Variants in AP3B2 observed in about 807,000 individuals in gnomAD.
The protein encoded by AP3B2 is adaptor related protein complex 3 subunit beta 2.
A neutral mutation model predicts 126.9 loss-of-function variants in AP3B2; 50 were observed. That is an observed-to-expected ratio of 0.39 (90% CI 0.31 to 0.50). The LOEUF is 0.50. Ranked by LOEUF, AP3B2 falls within the 20% of genes least tolerant of loss-of-function variation. The pLI is 0.79. For synonymous variants in AP3B2, 541 were observed against 565.0 expected, an observed-to-expected ratio of 0.96 and a Z score of 0.60; for missense variants, 1,177 against 1,426.4, an observed-to-expected ratio of 0.83 and a Z score of 2.82.
At chr15:82,689,603 A>C in intron 1 of AP3B2, 150 bp from the exon 2 acceptor site, 1 of 664,942 alleles carries the variant, frequency 1.5e-6, no homozygotes, top group Non-Finnish European at 2.6e-6. Flanking sequence ...GGAACAAGTA[A>C]AGTACAGATC....
intron 14 of AP3B2, among the ~76,000 whole-genome samples, chr15:82,667,985 C>T (rs1005829053): frequency 1.9e-4 from 29 of 152,126 alleles, no homozygotes; most frequent in African/African-American, 6.8e-4. Context: ...CATCAGGGGC[C>T]GGCAGGAGGG....
intron 14 of AP3B2, 140 bp from the exon 15 acceptor site, chr15:82,667,073 C>G: frequency 1.2e-6 from 1 of 802,116 alleles, no homozygotes; most frequent in Non-Finnish European, 1.9e-6. Flanking sequence ...CCAGCTGTCC[C>G]TCCCCACCTG....
At chr15:82,696,139 C>T (rs2048625823) in intron 1 of AP3B2, among the ~76,000 whole-genome samples, 1 of 152,164 alleles carries the variant, frequency 6.6e-6, no homozygotes, top group South Asian at 2.1e-4. Flanking sequence ...CCTTAATAAC[C>T]TCATTTTAAC....
chr15:82,701,052 G>A (rs1471990027), intron 1 of AP3B2, among the ~76,000 whole-genome samples: 1 of 151,980 alleles, frequency 6.6e-6, no homozygotes, highest in African/African-American at 2.4e-5. Context: ...GTAGAGACGG[G>A]GTTTTGACAT....
chr15:82,688,760 G>A lies in AP3B2; in HGVS notation c.336C>T (p.Ile112=). Residue 112 remains isoleucine, a synonymous_variant, in exon 4 of 27, where the codon ATC becomes ATT. Coordinates refer to ENST00000535359, the MANE Select transcript of AP3B2 (RefSeq NM_001278512.2). ...EEQQDLALLS[I]STFQRGLKDP... ...CCTTTAGGCCACGTTGGAAGGTGGA[G>A]ATGGACAGCAGGGCCAGGTCTTGCT... The A allele has an allele frequency of 6.2e-7, 1 of 1,612,930 alleles. No individual in the cohort carries two copies. Among genetic ancestry groups the A allele is most frequent in the Middle Eastern group, 1.6e-4 (1 of 6,062 alleles).
At chr15:82,661,288 T>C (rs1019381627) in intron 25 of AP3B2, among the ~76,000 whole-genome samples, 3 of 152,196 alleles carry the variant, frequency 2.0e-5, no homozygotes, top group African/African-American at 7.2e-5. Context: ...GCATACTAAA[T>C]AGCTCCTCCT....
Position 82,680,635 on chromosome 15 carries a change from T to G in AP3B2, c.892A>C (p.Met298Leu), listed in dbSNP as rs544493596. Residue 298 changes from methionine (M) to leucine (L), a missense_variant, in exon 8 of 27, where the codon ATG (methionine) becomes CTG (leucine). By Grantham distance (15) the Met-to-Leu change is conservative (BLOSUM62 2). Coordinates refer to ENST00000535359, the MANE Select transcript of AP3B2 (RefSeq NM_001278512.2). This position sits in a 1 kb window ranked among gnomAD's most constrained non-coding sequence, Gnocchi z 6.1. ...AGCAGCAGCCGGTGGTCGGGGTCCA[T>G]GACATAGGGCTTTCGGGAGGGGGCG... ...AAAPSRKPYVMDPDHRLLLRN... is the reference protein window; with the variant it reads ...AAAPSRKPYVLDPDHRLLLRN... The G allele has an allele frequency of 6.3e-6, 10 of 1,595,664 alleles. No individual in the cohort carries two copies. The highest frequency in any genetic ancestry group is 8.5e-6 in the Non-Finnish European group (10 of 1,176,688).
intron 1 of AP3B2, among the ~76,000 whole-genome samples, chr15:82,691,122 C>T (rs1036758659): frequency 1.3e-5 from 2 of 152,142 alleles, no homozygotes; most frequent in African/African-American, 4.8e-5. Context: ...TGGGTATATA[C>T]CCAATAACGG....
chr15:82,660,142 C>T (rs2047914465), intron 25 of AP3B2, among the ~76,000 whole-genome samples, 159 bp from the exon 26 acceptor site: 1 of 152,154 alleles, frequency 6.6e-6, no homozygotes, highest in Non-Finnish European at 1.5e-5. Flanking sequence ...AGGTACTTCC[C>T]TCTCAGACTG....
At chr15:82,661,779 T>G (rs1364173060) in intron 25 of AP3B2, 46 bp downstream of exon 25, 21 of 1,492,662 alleles carry the variant, frequency 1.4e-5, no homozygotes, top group Non-Finnish European at 1.9e-5. Flanking sequence ...CATTCTGGAG[T>G]CAGCTTCTAT....
chr15:82,678,078 C>A, intron 11 of AP3B2, 27 bp downstream of exon 11: 1 of 1,612,084 alleles, frequency 6.2e-7, no homozygotes, highest in African/African-American at 1.3e-5. Context: ...CTCTCCCAGG[C>A]CCTTCTGGCT....
rs1424946587 is a variant in AP3B2 at position 82,677,392 on chromosome 15, C to T, written c.1379-9G>A. ...CTCTGCAACCACAAGCTCTACAGAACAAAAATGAGTGTGTGGACCCCAAGA... is the reference window on the plus strand; with the variant it reads ...CTCTGCAACCACAAGCTCTACAGAATAAAAATGAGTGTGTGGACCCCAAGA... On this transcript the variant is annotated splice_polypyrimidine_tract_variant and intron_variant, in intron 12 of 26. Transcript: ENST00000535359. 1 of 1,611,910 alleles carries T rather than the reference C, an allele frequency of 6.2e-7. No homozygotes were observed. The highest frequency in any genetic ancestry group is 2.2e-5 in the East Asian group (1 of 44,860).
chr15:82,693,901 A>G (rs796165726), intron 1 of AP3B2, among the ~76,000 whole-genome samples: 4 of 152,014 alleles, frequency 2.6e-5, no homozygotes, highest in African/African-American at 9.6e-5. Flanking sequence ...AGGTTTCTCC[A>G]TGTTGGTCAG....
intron 1 of AP3B2, 134 bp downstream of exon 1, chr15:82,709,460 G>A (rs928212670): frequency 2.7e-5 from 11 of 408,838 alleles, no homozygotes; most frequent in African/African-American, 2.0e-4. Flanking sequence ...CCGCAGGAGG[G>A]GGCCGGGCGG....
chr15:82,664,426 G>T lies in AP3B2; in HGVS notation c.2202C>A (p.Ser734Arg). 6.2e-7 allele frequency: 1 copy of T among 1,613,864 alleles called. No individual in the cohort carries two copies. ...SSSESGSGESSSESDNEDQDE... is the reference protein window; with the variant it reads ...SSSESGSGESRSESDNEDQDE... ...CCTGGTCTTCATTGTCGGACTCACT[G>T]CTGGACTCCCCAGAGCCGCTCTCAC... The change falls in exon 19 of 27, where the codon AGC becomes AGA. Residue 734 changes from serine (S) to arginine (R), a missense_variant. Physicochemically the swap from Ser to Arg is moderately radical, Grantham distance 110. This residue lies in a region of AP3B2 where 587 missense variants were observed against 571.3 expected (regional missense o/e 1.03). Coordinates refer to ENST00000535359, the MANE Select transcript of AP3B2 (RefSeq NM_001278512.2). The surrounding 1 kb of genome is among the most constrained non-coding windows in gnomAD (Gnocchi z 4.5).
chr15:82,662,575 CTA>C (rs2047970585), intron 23 of AP3B2, 117 bp downstream of exon 23: 1 of 926,754 alleles, frequency 1.1e-6, no homozygotes, highest in African/African-American at 1.7e-5. Context: ...ATGTTAGATG[CTA>C]TCTCTGTGCC....
At chr15:82,690,123 T>A (rs771685540) in intron 1 of AP3B2, among the ~76,000 whole-genome samples, 1 of 152,102 alleles carries the variant, frequency 6.6e-6, no homozygotes, top group Non-Finnish European at 1.5e-5. Flanking sequence ...GATTTCCCTA[T>A]GGGTTTCAGA....
intron 1 of AP3B2, among the ~76,000 whole-genome samples, chr15:82,700,106 T>A (rs1473129213): frequency 6.6e-6 from 1 of 152,088 alleles, no homozygotes; most frequent in Admixed American, 6.5e-5. Flanking sequence ...GTGGAGTTGA[T>A]AGAGAGGTGA....
chr15:82,679,001 T>C (rs749685453), intron 10 of AP3B2, among the ~76,000 whole-genome samples: 1 of 152,188 alleles, frequency 6.6e-6, no homozygotes, highest in African/African-American at 2.4e-5. Context: ...CCGTGAATGT[T>C]TGCAGGAGAG....
Sources: allele counts gnomAD v4.1 joint callset (sites outside exome capture counted in the v4.1 genomes callset), GRCh38; gene constraint gnomAD v4.1.1; regional missense constraint gnomAD v4.1.1; non-coding constraint Gnocchi (gnomAD v3.1); transcripts MANE v1.5; gene names NCBI Gene and HGNC (gene_info 2026-07-23, HGNC 2026-07-21).